The following SIMC1 variants were observed in gnomAD, a reference collection of about 807,000 sequenced individuals.
SIMC1 encodes SUMO interacting motifs containing 1, also known as SUMO-interacting motif-containing protein 1.
A neutral mutation model predicts 82.3 loss-of-function variants in SIMC1; 55 were observed. The observed-to-expected ratio is 0.67, with a 90% CI of 0.54 to 0.84. SIMC1 has a LOEUF of 0.84. SIMC1 is among the 40% of genes least tolerant of loss of function. The pLI is 0.00. For missense variants in SIMC1, 915 were observed against 1,107.2 expected (o/e 0.83, Z 2.46); for synonymous variants, 353 against 426.3 (o/e 0.83, Z 2.12).
chr5:176,249,213 C>T (rs573094828), intron 1 of SIMC1, among the ~76,000 whole-genome samples: 24 of 152,174 alleles, frequency 1.6e-4, no homozygotes, highest in African/African-American at 5.8e-4. Context: ...TAGAATTTGG[C>T]TGTGAATCCG....
Position 176,316,382 on chromosome 5 carries a change from T to G in SIMC1, c.1889+2537T>G, listed in dbSNP as rs151018931. On this transcript the variant is annotated intron_variant, in intron 5 of 9. Coordinates refer to ENST00000429602, the MANE Select transcript of SIMC1 (RefSeq NM_001308195.2). ...ACTCTTGGGTTTAAAGATAGGCATT[T>G]AAGGCTGGGCGTGGTGGCTCACACC... Among the ~76,000 whole-genome samples the G allele has an allele frequency of 9.8e-4, 148 of 151,244 alleles. 1 individual carries two copies. The South Asian group carries it at 0.01, about 10-fold the overall frequency.
chr5:176,330,237 C>T (rs946911896), intron 7 of SIMC1, among the ~76,000 whole-genome samples: 5 of 151,958 alleles, frequency 3.3e-5, no homozygotes, highest in African/African-American at 1.2e-4. Flanking sequence ...CCTGTCTCTA[C>T]TAAAAATAAA....
In SIMC1 at chr5:176,308,315, T is replaced by G; in HGVS notation, c.1735-5376T>G. 3 of 1,472,948 alleles carry G rather than the reference T, an allele frequency of 2.0e-6. No individual in the cohort carries two copies. In the East Asian group the frequency reaches 6.8e-5, roughly 33 times the overall value. 91.2% of individuals were successfully genotyped at this position (1,472,948 alleles called of 1,614,324 possible). ...TGTCATCATCTTAACGACGTTCTGA[T>G]AAGAGGAAGGACCAAGTAGAAATTT... On this transcript the variant is annotated intron_variant, in intron 4 of 9. Coordinates refer to ENST00000429602, the MANE Select transcript of SIMC1 (RefSeq NM_001308195.2).
intron 1 of SIMC1, among the ~76,000 whole-genome samples, chr5:176,284,478 A>G (rs1433847212): frequency 1.3e-5 from 2 of 152,244 alleles, no homozygotes; most frequent in Admixed American, 6.5e-5. Flanking sequence ...GAAACCAATG[A>G]GAACAAAGAC....
intron 9 of SIMC1, among the ~76,000 whole-genome samples, chr5:176,342,057 G>C (rs1229287188): frequency 1.3e-5 from 2 of 152,122 alleles, no homozygotes; most frequent in Admixed American, 1.3e-4. Context: ...TAACTTTCCT[G>C]CATGATTTAA....
At chr5:176,266,320 G>A (rs1386078162) in intron 1 of SIMC1, among the ~76,000 whole-genome samples, 3 of 152,180 alleles carry the variant, frequency 2.0e-5, no homozygotes, top group East Asian at 3.9e-4. Context: ...AGGAATCCCT[G>A]CAAACAAGAA....
intron 1 of SIMC1, among the ~76,000 whole-genome samples, chr5:176,273,274 A>C (rs1481796256): frequency 6.6e-6 from 1 of 152,168 alleles, no homozygotes; most frequent in Non-Finnish European, 1.5e-5. Context: ...GCTGTTCCGC[A>C]ATATTCACTG....
chr5:176,315,386 C>T (rs1201669811), intron 5 of SIMC1, among the ~76,000 whole-genome samples: 2 of 152,166 alleles, frequency 1.3e-5, no homozygotes, highest in African/African-American at 2.4e-5. Context: ...GATCTGCCTC[C>T]ATGACCCAAA....
chr5:176,313,490 A>T, intron 4 of SIMC1: 2 of 1,552,640 alleles, frequency 1.3e-6, no homozygotes, highest in South Asian at 1.2e-5. Flanking sequence ...ATAAGGTATG[A>T]TTTTTTTCAG....
intron 1 of SIMC1, among the ~76,000 whole-genome samples, chr5:176,287,398 A>C (rs896172822): frequency 3.3e-5 from 5 of 152,334 alleles, no homozygotes; most frequent in African/African-American, 1.2e-4. Context: ...CAAACACTGC[A>C]TGTTCTCACT....
At chr5:176,283,992 G>C (rs1763140552) in intron 1 of SIMC1, among the ~76,000 whole-genome samples, 1 of 152,142 alleles carries the variant, frequency 6.6e-6, no homozygotes, top group Non-Finnish European at 1.5e-5. Flanking sequence ...AAATATATAT[G>C]CACCCAATAC....
chr5:176,287,680 TA>T (rs1239181320), intron 1 of SIMC1, among the ~76,000 whole-genome samples: 2 of 140,998 alleles, frequency 1.4e-5, no homozygotes, highest in East Asian at 2.1e-4. Flanking sequence ...AGCAAACACT[TA>T]AAAAAATAAA....
intron 1 of SIMC1, among the ~76,000 whole-genome samples, chr5:176,241,647 G>A (rs1286225678): frequency 2.6e-5 from 4 of 151,854 alleles, no homozygotes; most frequent in Admixed American, 1.3e-4. Flanking sequence ...TTGACTCCTC[G>A]AAAACTTAAC....
intron 1 of SIMC1, among the ~76,000 whole-genome samples, chr5:176,281,009 G>A (rs369629741): frequency 1.3e-5 from 2 of 152,274 alleles, no homozygotes; most frequent in South Asian, 2.1e-4. Context: ...TCTCCTGGAT[G>A]ATATCCTGCA....
chr5:176,305,564 C>T (rs866461569), intron 4 of SIMC1, among the ~76,000 whole-genome samples: 4 of 143,976 alleles, frequency 2.8e-5, no homozygotes, highest in Admixed American at 6.7e-5. Context: ...CCAGCCGCCC[C>T]GTCCGGGAGG....
intron 1 of SIMC1, among the ~76,000 whole-genome samples, chr5:176,245,688 T>A (rs1761412655): frequency 1.3e-5 from 2 of 152,320 alleles, no homozygotes; most frequent in South Asian, 4.2e-4. Flanking sequence ...AAAGTGATAT[T>A]TATTCAGGAA....
intron 1 of SIMC1, among the ~76,000 whole-genome samples, chr5:176,279,136 T>C (rs1762859217): frequency 6.6e-6 from 1 of 152,232 alleles, no homozygotes; most frequent in African/African-American, 2.4e-5. Flanking sequence ...GATCCTGTTA[T>C]TGGTCTATTC....
At chr5:176,263,630 G>A in intron 1 of SIMC1, 1 of 1,213,748 alleles carries the variant, frequency 8.2e-7, no homozygotes. Flanking sequence ...CTGTCCCCAT[G>A]ATTCCACCAG....
rs1763479237 is a variant in SIMC1 at position 176,290,127 on chromosome 5, A to G, written c.603A>G (p.Gln201=). The G allele has an allele frequency of 6.2e-7, 1 of 1,604,708 alleles. No homozygotes were observed. The highest frequency in any genetic ancestry group is 8.5e-7 in the Non-Finnish European group (1 of 1,175,508). ...GGAGCAGCAGCAGCAGCAGCAATCA[A>G]AAAGCACCCTTGCCATGCCCACAGC... ...NSRSSSSSSN[Q]KAPLPCPQQD... Residue 201 remains glutamine (Q), a synonymous_variant, in exon 2 of 10, where the codon CAA becomes CAG. Transcript: ENST00000429602.
Sources: gnomAD v4.1 joint callset for allele counts (sites outside exome capture counted in the v4.1 genomes callset) on GRCh38, gnomAD v4.1.1 for gene constraint, MANE v1.5 for transcripts, NCBI Gene and HGNC (gene_info 2026-07-23, HGNC 2026-07-21) for gene names.